Variants in TMTC1 observed in about 807,000 individuals in gnomAD.
The protein encoded by TMTC1 is transmembrane O-mannosyltransferase targeting cadherins 1.
Under a neutral mutation model 104.8 loss-of-function variants are expected in TMTC1, and 73 were observed. The ratio of observed to expected loss-of-function variants is 0.70; its 90% CI spans 0.58 to 0.85. The LOEUF is 0.85. Among genes scored for constraint, TMTC1 ranks in the 40% least tolerant of loss-of-function variants. The pLI is 0.00. For synonymous variants in TMTC1, 434 were observed against 428.7 expected, an observed-to-expected ratio of 1.01 and a Z score of -0.15; for missense variants, 1,035 against 1,096.1, an observed-to-expected ratio of 0.94 and a Z score of 0.79.
At position 29,583,388 on chromosome 12, in the gene TMTC1, T is replaced by A; in HGVS notation, c.1418+19A>T. On this transcript the variant is annotated intron_variant, in intron 8 of 17. Transcript: ENST00000539277. ...AGAAATAAACAGGAAGATATTTATT[T>A]TTATCTGTCTAGTCATACCTGAATA... 6.2e-7 allele frequency: 1 copy of A among 1,601,778 alleles called. No homozygotes were observed. Among genetic ancestry groups the A allele is most frequent in the East Asian group, 2.2e-5 (1 of 44,600 alleles).
chr12:29,588,143 T>C (rs983045726), intron 7 of TMTC1, among the ~76,000 whole-genome samples: 1 of 152,142 alleles, frequency 6.6e-6, no homozygotes, highest in South Asian at 2.1e-4. Flanking sequence ...AGGAGGATGA[T>C]TTGAGCTAAG....
intron 5 of TMTC1, among the ~76,000 whole-genome samples, chr12:29,713,511 A>T (rs1941995632): frequency 6.6e-6 from 1 of 152,122 alleles, no homozygotes; most frequent in Non-Finnish European, 1.5e-5. Context: ...TCACTGAGTT[A>T]CATAAATTTG....
At chr12:29,643,064 G>A (rs758420617) in intron 5 of TMTC1, among the ~76,000 whole-genome samples, 7 of 151,948 alleles carry the variant, frequency 4.6e-5, no homozygotes, top group African/African-American at 9.7e-5. Context: ...ACTAATGATC[G>A]GGGAAATGCA....
intron 10 of TMTC1, among the ~76,000 whole-genome samples, chr12:29,546,226 C>CT (rs1565660679): frequency 6.6e-6 from 1 of 152,160 alleles, no homozygotes; most frequent in African/African-American, 2.4e-5. Flanking sequence ...GCTCATGAGA[C>CT]ATGAGAAGTG....
intron 6 of TMTC1, among the ~76,000 whole-genome samples, chr12:29,612,185 C>G (rs553784196): frequency 6.6e-6 from 1 of 152,230 alleles, no homozygotes; most frequent in Middle Eastern, 3.4e-3. Flanking sequence ...AACACACTGA[C>G]GGCAGATATG....
chr12:29,746,374 C>G (rs1233156191), intron 5 of TMTC1, among the ~76,000 whole-genome samples: 3 of 152,152 alleles, frequency 2.0e-5, no homozygotes, highest in African/African-American at 7.2e-5. Flanking sequence ...TACAGGCTTT[C>G]AACATAGATT....
At chr12:29,683,037 A>T (rs1188478564) in intron 5 of TMTC1, among the ~76,000 whole-genome samples, 1 of 152,128 alleles carries the variant, frequency 6.6e-6, no homozygotes, top group Non-Finnish European at 1.5e-5. Context: ...AAATAAACAA[A>T]TTTTCTTAAA....
chr12:29,520,639 C>T lies in TMTC1; in HGVS notation c.1867G>A (p.Gly623Arg). Residue 623 changes from glycine to arginine, a missense_variant, in exon 12 of 18, where the codon GGG becomes AGG. Transcript: ENST00000539277. ...TTACCAGTATCAACTAAGAAAACCC[C>T]ATAGTTGTTGTGTAAATCTGAGCTG... ...PDSSDLHNNY[G>R]VFLVDTGLPE... 3 of 1,613,254 alleles carry T rather than the reference C, an allele frequency of 1.9e-6. No homozygotes were observed. Among genetic ancestry groups the T allele is most frequent in the Non-Finnish European group, 2.5e-6 (3 of 1,179,744 alleles).
At chr12:29,753,512 C>A (rs1308793615) in intron 4 of TMTC1, among the ~76,000 whole-genome samples, 1 of 152,194 alleles carries the variant, frequency 6.6e-6, no homozygotes, top group East Asian at 1.9e-4. Context: ...ACTTTCTGTG[C>A]CTCTGTTTTC....
chr12:29,643,456 A>ATATATATATATATATATCACATATATG (rs1565732694), intron 5 of TMTC1, among the ~76,000 whole-genome samples: 10 of 57,564 alleles, frequency 1.7e-4, no homozygotes, highest in South Asian at 4.0e-4. Flanking sequence ...TCACATATAT[A>ATATATATATATATATATCACATATATG]TGATGGAATA....
rs534600798 is a variant in TMTC1 at position 29,754,236 on chromosome 12, T to C, written c.731+1473A>G. On this transcript the variant is annotated intron_variant, in intron 4 of 17. Coordinates refer to ENST00000539277, the MANE Select transcript of TMTC1 (RefSeq NM_001193451.2). ...GCGGGACTTGTATCAGCAGTATTAA[T>C]CCTCCCAAAGAATTTCTAGCCATTT... Among the ~76,000 whole-genome samples, 13 of 148,928 alleles carry C rather than the reference T, an allele frequency of 8.7e-5. No individual in the cohort carries two copies. In the East Asian group the frequency reaches 1.4e-3, roughly 16 times the overall value.
rs146977534 is a variant in TMTC1, at chr12:29,739,520, T to C, written c.938+12146A>G. ...GCACTTGCCATCCTCAGTGAAATTA[T>C]CTTTTTATTTGTATGACTTCCCCAC... On this transcript the variant is annotated intron_variant, in intron 5 of 17. Transcript: ENST00000539277. 2.1e-4 allele frequency among the ~76,000 whole-genome samples: 32 copies of C among 152,294 alleles called. No homozygotes were observed. In the East Asian group the frequency reaches 3.1e-3, roughly 15 times the overall value.
chr12:29,613,926 T>G, intron 6 of TMTC1: 8 of 981,064 alleles, frequency 8.2e-6, no homozygotes, highest in Non-Finnish European at 9.7e-6. Flanking sequence ...GCATGATTCA[T>G]CTATCCACTT....
intron 6 of TMTC1, among the ~76,000 whole-genome samples, chr12:29,613,428 G>C (rs1409350539): frequency 1.3e-5 from 2 of 152,170 alleles, no homozygotes; most frequent in Non-Finnish European, 2.9e-5. Context: ...ACAGCCAGCT[G>C]CATAGGTGTC....
chr12:29,617,424 T>C lies in TMTC1; in HGVS notation c.1129-13125A>G, dbSNP rs370983125. On this transcript the variant is annotated intron_variant, in intron 6 of 17. Coordinates refer to ENST00000539277, the MANE Select transcript of TMTC1 (RefSeq NM_001193451.2). Reference sequence around the variant, plus strand: ...AGATAGTCTCTTTGGGCACTGTACTTACTTAGAAGCAAACACTTAAAGAAT... The same window carrying C: ...AGATAGTCTCTTTGGGCACTGTACTCACTTAGAAGCAAACACTTAAAGAAT... 2.6e-5 allele frequency among the ~76,000 whole-genome samples: 4 copies of C among 152,254 alleles called. 1 individual carries two copies. The South Asian group carries it at 8.3e-4, about 32-fold the overall frequency.
At chr12:29,760,696 T>C (rs1274438002) in intron 2 of TMTC1, among the ~76,000 whole-genome samples, 1 of 151,892 alleles carries the variant, frequency 6.6e-6, no homozygotes, top group Non-Finnish European at 1.5e-5. Context: ...ATGAGGAACA[T>C]TTGATAAAAA....
At chr12:29,655,964 C>T (rs145697535) in intron 5 of TMTC1, among the ~76,000 whole-genome samples, 24 of 152,138 alleles carry the variant, frequency 1.6e-4, no homozygotes, top group African/African-American at 5.5e-4. Context: ...GAAAGATGCG[C>T]AAAGTTCCTA....
At chr12:29,728,188 G>A (rs935999504) in intron 5 of TMTC1, among the ~76,000 whole-genome samples, 3 of 152,202 alleles carry the variant, frequency 2.0e-5, no homozygotes, top group African/African-American at 7.2e-5. Flanking sequence ...CTCTGTGACA[G>A]GGAGTGAGGA....
chr12:29,706,130 C>T (rs149698345), intron 5 of TMTC1, among the ~76,000 whole-genome samples: 48 of 152,174 alleles, frequency 3.2e-4, no homozygotes, highest in South Asian at 1.0e-3. Flanking sequence ...AAGGGATGCA[C>T]GGAATTTTAC....
Sources: gnomAD v4.1 joint callset for allele counts (sites outside exome capture counted in the v4.1 genomes callset) on GRCh38, gnomAD v4.1.1 for gene constraint, MANE v1.5 for transcripts, NCBI Gene and HGNC (gene_info 2026-07-23, HGNC 2026-07-21) for gene names.